The following ATRIP variants were observed in gnomAD, a reference collection of about 807,000 sequenced individuals.
ATRIP encodes ATR interacting protein.
In ATRIP, 44 loss-of-function variants were observed where a neutral mutation model predicts 78.1. That is an observed-to-expected ratio of 0.56 (90% CI 0.44 to 0.72). The LOEUF is 0.72. Ranked by LOEUF, ATRIP falls within the 30% of genes least tolerant of loss-of-function variation. ATRIP has a pLI of 0.00. For synonymous variants in ATRIP, 388 were observed against 408.9 expected, an observed-to-expected ratio of 0.95 and a Z score of 0.62; for missense variants, 927 against 980.2, an observed-to-expected ratio of 0.95 and a Z score of 0.72.
Position 48,466,415 on chromosome 3 carries a change from G to C in ATRIP, c.*861G>C. ...GGAGGGGCCGAGTCATGTGAAGAGG[G>C]AGACCCTCTCAGACAGTCGAATGTG... On this transcript the variant is annotated 3_prime_UTR_variant, in exon 13 of 13. Transcript: ENST00000320211. The C allele has an allele frequency of 6.2e-7, 1 of 1,604,612 alleles. No homozygotes were observed. The highest frequency in any genetic ancestry group is 8.5e-7 in the Non-Finnish European group (1 of 1,173,902).
intron 1 of ATRIP, among the ~76,000 whole-genome samples, chr3:48,449,793 C>T (rs1348061039): frequency 7.1e-6 from 1 of 140,426 alleles, no homozygotes; most frequent in Non-Finnish European, 1.5e-5. Flanking sequence ...AAAAAAAAAG[C>T]CAGGCATGGT....
At position 48,467,026 on chromosome 3, in the gene ATRIP, A is replaced by G; in HGVS notation, c.*1472A>G. The G allele has an allele frequency of 6.2e-7, 1 of 1,613,928 alleles. No individual in the cohort carries two copies. Among genetic ancestry groups the G allele is most frequent in the Non-Finnish European group, 8.5e-7 (1 of 1,180,030 alleles). On this transcript the variant is annotated 3_prime_UTR_variant, in exon 13 of 13. Coordinates refer to ENST00000320211, the MANE Select transcript of ATRIP (RefSeq NM_130384.3). ...CCACAGCCCTGGTGCCTGGTGGCAC[A>G]CAATGGTGACCGCTACGACTTCCCC... is the stretch of plus-strand genomic sequence containing the variant.
chr3:48,461,834 C>T (rs575660891), intron 8 of ATRIP, among the ~76,000 whole-genome samples: 16 of 152,206 alleles, frequency 1.1e-4, no homozygotes, highest in East Asian at 1.9e-4. Context: ...CCTCCTGAGA[C>T]GCTGAGATTA....
intron 3 of ATRIP, among the ~76,000 whole-genome samples, chr3:48,453,520 C>T (rs2039883371): frequency 6.6e-6 from 1 of 152,180 alleles, no homozygotes; most frequent in Non-Finnish European, 1.5e-5. Context: ...CAAGACATAA[C>T]CAGAAAGGTT....
chr3:48,458,610 G>A (rs1204999017), intron 5 of ATRIP, among the ~76,000 whole-genome samples: 1 of 152,098 alleles, frequency 6.6e-6, no homozygotes, highest in Non-Finnish European at 1.5e-5. Flanking sequence ...ATGAGCCACC[G>A]TGCCCAGCCT....
At position 48,464,127 on chromosome 3, in the gene ATRIP, C is replaced by T; in HGVS notation, c.1969C>T (p.Gln657Ter). 6.2e-7 allele frequency: 1 copy of T among 1,612,986 alleles called. No individual in the cohort carries two copies. The highest frequency in any genetic ancestry group is 8.5e-7 in the Non-Finnish European group (1 of 1,179,220). ...ALETQWLQLE[Q>*]EVVWLLAKLG... ...GGAGACACAATGGCTCCAGCTGGAA[C>T]AAGAGGTAAAAACTCCAGAGCCCCT... The change falls in exon 10 of 13, where the codon CAA (glutamine) becomes TAA (stop). Residue 657 changes from glutamine to a stop codon, truncating the protein, a stop_gained. Coordinates refer to ENST00000320211, the MANE Select transcript of ATRIP (RefSeq NM_130384.3). LOFTEE classifies it high-confidence loss of function.
intron 3 of ATRIP, among the ~76,000 whole-genome samples, chr3:48,452,325 T>C (rs951322844): frequency 6.6e-6 from 1 of 152,138 alleles, no homozygotes; most frequent in Admixed American, 6.6e-5. Context: ...ACAGGCTCTA[T>C]ACTTATGGTA....
In ATRIP at chr3:48,464,571, T is replaced by C; in HGVS notation, c.1975-11T>C. The C allele has an allele frequency of 6.2e-7, 1 of 1,614,026 alleles. No individual in the cohort carries two copies. The highest frequency in any genetic ancestry group is 1.6e-4 in the Middle Eastern group (1 of 6,062). ...TCTGCCCAGGATGGAACCAATCTGT[T>C]CTTGTTCTAGGTGGTGTGGCTCCTG... is the stretch of plus-strand genomic sequence containing the variant. On this transcript the variant is annotated splice_polypyrimidine_tract_variant and intron_variant, in intron 10 of 12. Transcript: ENST00000320211.
chr3:48,467,307 T>C lies in ATRIP; in HGVS notation c.*1753T>C, dbSNP rs763647255. ...GTGGAGACCACAGGCCCTGCTGCGG[T>C]GGGTGGATGCTCACGCCAGGCCTTT... On this transcript the variant is annotated 3_prime_UTR_variant, in exon 13 of 13. Coordinates refer to ENST00000320211, the MANE Select transcript of ATRIP (RefSeq NM_130384.3). The C allele has an allele frequency of 1.9e-6, 3 of 1,614,132 alleles. No homozygotes were observed. The highest frequency in any genetic ancestry group is 2.5e-6 in the Non-Finnish European group (3 of 1,180,020).
At chr3:48,447,286 A>G in intron 1 of ATRIP, 194 bp downstream of exon 1, 1 of 1,249,016 alleles carries the variant, frequency 8.0e-7, no homozygotes, top group Non-Finnish European at 1.0e-6. Flanking sequence ...TAGCCAGGTC[A>G]AACAGCCGAT....
chr3:48,454,482 T>C (rs1040896584), intron 4 of ATRIP, 64 bp downstream of exon 4: 10 of 1,285,828 alleles, frequency 7.8e-6, no homozygotes, highest in Non-Finnish European at 9.0e-6. Flanking sequence ...TGCATAACAG[T>C]GTCAGGCTGG....
At chr3:48,461,404 C>G (rs773825225) in intron 8 of ATRIP, 5 of 152,346 alleles carry the variant, frequency 3.3e-5, no homozygotes, top group Admixed American at 6.5e-5. Flanking sequence ...CAGCCCACCC[C>G]CTCATCCAGT....
chr3:48,463,730 G>A lies in ATRIP; in HGVS notation c.1746-15G>A. Reference sequence around the variant, plus strand: ...GTTGGGGAGTGTCACGTCTCTCTGGGTCCCTGTCTTTTAGGTTCCAGTGTG... The same window carrying A: ...GTTGGGGAGTGTCACGTCTCTCTGGATCCCTGTCTTTTAGGTTCCAGTGTG... On this transcript the variant is annotated splice_polypyrimidine_tract_variant and intron_variant, in intron 8 of 12. Transcript: ENST00000320211. The A allele has an allele frequency of 6.2e-7, 1 of 1,614,016 alleles. No individual in the cohort carries two copies. Among genetic ancestry groups the A allele is most frequent in the Non-Finnish European group, 8.5e-7 (1 of 1,179,942 alleles).
At position 48,447,021 on chromosome 3, in the gene ATRIP, ACCT is replaced by A; in HGVS notation, c.177_179del (p.Asp59_Leu60delinsGlu). 6.3e-7 allele frequency: 1 copy of A among 1,580,662 alleles called. No homozygotes were observed. The highest frequency in any genetic ancestry group is 1.1e-5 in the South Asian group (1 of 87,474). ...GCGCATGGGGACTTCACTGCCGACG[ACCT>A]GGAGGAGCTTGACACCCTCGCGTCA... On this transcript the variant is annotated inframe_deletion, in exon 1 of 13. Transcript: ENST00000320211.
At chr3:48,461,748 A>G (rs2107230157) in intron 8 of ATRIP, among the ~76,000 whole-genome samples, 1 of 152,226 alleles carries the variant, frequency 6.6e-6, no homozygotes, top group South Asian at 2.1e-4. Flanking sequence ...CTTGTTGTCC[A>G]AGCTGGAGTG....
In ATRIP at chr3:48,463,921, G is replaced by A. The variant is rs1376561596; in HGVS notation, c.1882+40G>A. 4 of 1,610,712 alleles carry A rather than the reference G, an allele frequency of 2.5e-6. No homozygotes were observed. The South Asian group carries it at 4.4e-5, about 18-fold the overall frequency. ...GGCGGGCGTCTAGACTGCTCCTGCA[G>A]ATCAAGGGAAGGGTTGGGGTGGGAA... On this transcript the variant is annotated intron_variant, in intron 9 of 12. Coordinates refer to ENST00000320211, the MANE Select transcript of ATRIP (RefSeq NM_130384.3).
chr3:48,451,858 A>AC lies in ATRIP; in HGVS notation c.514dup (p.Gln172ProfsTer5). The AC allele has an allele frequency of 1.2e-6, 2 of 1,610,556 alleles. No individual in the cohort carries two copies. The highest frequency in any genetic ancestry group is 1.7e-6 in the Non-Finnish European group (2 of 1,177,980). On this transcript the variant is annotated frameshift_variant, in exon 3 of 13. Transcript: ENST00000320211. LOFTEE classifies it high-confidence loss of function. ...ACATTTTCTTCTTGAGCAAGAGAAA[A>AC]CCCAAGCACTCAGTGACAAGGAAAA...
chr3:48,464,692 C>G, intron 11 of ATRIP, 30 bp downstream of exon 11: 1 of 1,613,778 alleles, frequency 6.2e-7, no homozygotes, highest in Non-Finnish European at 8.5e-7. Context: ...CAGCTGGCAG[C>G]TCTGGTGGTA....
chr3:48,459,681 G>C, intron 6 of ATRIP, 106 bp from the exon 7 acceptor site: 1 of 1,468,406 alleles, frequency 6.8e-7, no homozygotes, highest in Non-Finnish European at 9.3e-7. Context: ...CTTAGTGGCA[G>C]CCTAGAGGAC....
Sources: allele counts gnomAD v4.1 joint callset (sites outside exome capture counted in the v4.1 genomes callset), GRCh38; gene constraint gnomAD v4.1.1; transcripts MANE v1.5; gene names NCBI Gene and HGNC (gene_info 2026-07-23, HGNC 2026-07-21).